The following IGSF23 variants were observed in gnomAD, a reference collection of about 807,000 sequenced individuals.
IGSF23 encodes the protein immunoglobulin superfamily member 23.
Under a neutral mutation model 17.8 loss-of-function variants are expected in IGSF23, and 14 were observed. The ratio of observed to expected loss-of-function variants is 0.79; its 90% CI spans 0.52 to 1.23. IGSF23 has a LOEUF of 1.23. IGSF23 is among the 50% of genes most tolerant of loss of function. The probability of loss-of-function intolerance (pLI) is 0.00; values close to 1 mark genes in which losing one functional copy is unlikely to be tolerated. For missense variants in IGSF23, 214 were observed against 241.7 expected (o/e 0.89, Z 0.76); for synonymous variants, 85 against 92.5 (o/e 0.92, Z 0.46).
intron 3 of IGSF23, 21 bp downstream of exon 3, chr19:44,627,594 C>T (rs1385139739): frequency 1.1e-5 from 17 of 1,539,092 alleles, no homozygotes; most frequent in African/African-American, 1.4e-5. Flanking sequence ...CCCTCACCCC[C>T]GTCCACTGGG....
At chr19:44,628,814 G>A (rs575020014) in intron 3 of IGSF23, among the ~76,000 whole-genome samples, 14 of 152,278 alleles carry the variant, frequency 9.2e-5, no homozygotes, top group Non-Finnish European at 1.6e-4. Context: ...CTAAGGAGAG[G>A]AGTGAGGCTG....
At chr19:44,618,950 T>C (rs1455689109) in intron 1 of IGSF23, among the ~76,000 whole-genome samples, 3 of 147,348 alleles carry the variant, frequency 2.0e-5, no homozygotes, top group African/African-American at 5.0e-5. Flanking sequence ...TCCATTGCTA[T>C]AAAGACATAC....
chr19:44,625,086 A>G (rs1972615652), intron 2 of IGSF23, among the ~76,000 whole-genome samples: 1 of 151,920 alleles, frequency 6.6e-6, no homozygotes, highest in Non-Finnish European at 1.5e-5. Flanking sequence ...CACCATTGTC[A>G]TCATCTAAGG....
chr19:44,621,282 CAAAAA>C (rs34896514), intron 1 of IGSF23, among the ~76,000 whole-genome samples: 4 of 123,154 alleles, frequency 3.2e-5, no homozygotes, highest in Non-Finnish European at 1.7e-5. Context: ...GACCCTGTCT[CAAAAA>C]AAAAAAAAAA....
intron 1 of IGSF23, 106 bp downstream of exon 1, chr19:44,613,876 C>T (rs1229164624): frequency 3.9e-6 from 6 of 1,548,728 alleles, no homozygotes; most frequent in South Asian, 1.2e-5. Flanking sequence ...CTATGAAGAC[C>T]CCATGTGTGA....
intron 1 of IGSF23, among the ~76,000 whole-genome samples, chr19:44,616,090 T>C (rs1972368897): frequency 6.6e-6 from 1 of 152,154 alleles, no homozygotes. Flanking sequence ...AATGTTCTCT[T>C]GATAACAGCA....
Position 44,618,221 on chromosome 19 carries a change from G to A in IGSF23, c.125+4451G>A, listed in dbSNP as rs1463939089. The A allele has an allele frequency of 4.2e-5, 20 of 470,632 alleles. No individual in the cohort carries two copies. The Admixed American group carries it at 4.7e-4, about 11-fold the overall frequency. The allele number at this position is 470,632 out of a possible 1,614,324, so 29.2% of individuals were successfully genotyped here. A position where few individuals can be genotyped will look rare whatever the true frequency, so the allele number is the denominator to read the frequency against. On this transcript the variant is annotated intron_variant, in intron 1 of 4. Coordinates refer to ENST00000402988, the MANE Select transcript of IGSF23 (RefSeq NM_001205280.2). ...TTCTCACCACGTCTTGGTTCTGAGG[G>A]TATGACGCCCAGCCAGCAGCCATGA...
chr19:44,634,101 T>C (rs375983973), intron 3 of IGSF23, among the ~76,000 whole-genome samples: 1 of 152,182 alleles, frequency 6.6e-6, no homozygotes, highest in East Asian at 1.9e-4. Flanking sequence ...GCTCACAGCT[T>C]TTGTGCAGCA....
chr19:44,626,210 C>T (rs948525005), intron 2 of IGSF23, among the ~76,000 whole-genome samples: 1 of 152,142 alleles, frequency 6.6e-6, no homozygotes, highest in Admixed American at 6.5e-5. Context: ...GGAATCTCAG[C>T]TTGGCTGGGT....
chr19:44,630,942 C>T (rs999585804), intron 3 of IGSF23, among the ~76,000 whole-genome samples: 3 of 152,118 alleles, frequency 2.0e-5, no homozygotes, highest in African/African-American at 7.2e-5. Context: ...GCCCTTTAAC[C>T]CCTCAGTGGC....
intron 4 of IGSF23, among the ~76,000 whole-genome samples, chr19:44,636,170 T>C (rs970701786): frequency 2.0e-5 from 3 of 152,226 alleles, no homozygotes; most frequent in Non-Finnish European, 4.4e-5. Flanking sequence ...CCATCACTTC[T>C]GCCACAGAAA....
chr19:44,623,775 A>G lies in IGSF23; in HGVS notation c.194A>G (p.Tyr65Cys). Residue 65 changes from tyrosine to cysteine, a missense_variant, in exon 2 of 5, where the codon TAT becomes TGT. Coordinates refer to ENST00000402988, the MANE Select transcript of IGSF23 (RefSeq NM_001205280.2). ...IRGVIQSELN[Y>C]SVILQWVVTM... is the part of the protein sequence containing the mutation. The stretch of plus-strand genomic sequence containing the variant: ...GGAGTCATCCAGAGTGAGCTCAACT[A>G]TTCTGTGATCCTGCAGTGGGTGGTG... The G allele has an allele frequency of 6.4e-7, 1 of 1,551,014 alleles. No homozygotes were observed. The highest frequency in any genetic ancestry group is 8.7e-7 in the Non-Finnish European group (1 of 1,147,086).
Position 44,623,915 on chromosome 19 carries a change from A to G in IGSF23, c.334A>G (p.Ile112Val), listed in dbSNP as rs1181525319. ...TGAGCAGCTGGGCACCTACATGTGC[A>G]TAGCCACAAACAGCAAGAAACAGCT... Reference protein sequence around the residue: ...SCEQLGTYMCIATNSKKQLVS... With the variant: ...SCEQLGTYMCVATNSKKQLVS... Residue 112 changes from isoleucine (I) to valine (V), a missense_variant, in exon 2 of 5, where the codon ATA becomes GTA. Transcript: ENST00000402988. The G allele has an allele frequency of 2.6e-6, 4 of 1,550,682 alleles. No individual in the cohort carries two copies. Among genetic ancestry groups the G allele is most frequent in the Non-Finnish European group, 3.5e-6 (4 of 1,147,048 alleles).
chr19:44,632,407 C>A, intron 3 of IGSF23: 1 of 161,522 alleles, frequency 6.2e-6, no homozygotes, highest in South Asian at 1.5e-4. Flanking sequence ...GGTTTTCTTC[C>A]ATCATCTGTG....
At chr19:44,633,354 G>A (rs537170991) in intron 3 of IGSF23, among the ~76,000 whole-genome samples, 6 of 152,282 alleles carry the variant, frequency 3.9e-5, no homozygotes, top group South Asian at 4.1e-4. Flanking sequence ...TTGTCTTTCC[G>A]CTTGAAGCGG....
intron 1 of IGSF23, among the ~76,000 whole-genome samples, chr19:44,620,575 C>T (rs1972497093): frequency 6.6e-6 from 1 of 152,044 alleles, no homozygotes; most frequent in Non-Finnish European, 1.5e-5. Flanking sequence ...CCATGTTGGC[C>T]AGGCTGGTCT....
At chr19:44,621,803 TATA>T (rs1297102828) in intron 1 of IGSF23, among the ~76,000 whole-genome samples, 7 of 152,234 alleles carry the variant, frequency 4.6e-5, no homozygotes, top group South Asian at 4.1e-4. Context: ...TGATGTTTTC[TATA>T]ATATTTCTTT....
chr19:44,636,224 A>G (rs1972885399), intron 4 of IGSF23, among the ~76,000 whole-genome samples, 195 bp from the exon 5 acceptor site: 1 of 152,178 alleles, frequency 6.6e-6, no homozygotes, highest in African/African-American at 2.4e-5. Context: ...AATTCAAGGG[A>G]TGGGGAAGTT....
intron 3 of IGSF23, 69 bp from the exon 4 acceptor site, chr19:44,635,331 TC>T: frequency 1.6e-6 from 2 of 1,215,020 alleles, no homozygotes; most frequent in Non-Finnish European, 2.3e-6. Flanking sequence ...GGATAATAAT[TC>T]AGTCGATGAT....
Sources: allele counts gnomAD v4.1 joint callset (sites outside exome capture counted in the v4.1 genomes callset), GRCh38; gene constraint gnomAD v4.1.1; transcripts MANE v1.5; gene names NCBI Gene and HGNC (gene_info 2026-07-23, HGNC 2026-07-21).